IQUB: variants seen among roughly 807,000 people sequenced by gnomAD.
The protein encoded by IQUB is IQ motif and ubiquitin domain containing.
In IQUB, 86 loss-of-function variants were observed where a neutral mutation model predicts 86.4. That is an observed-to-expected ratio of 1.00 (90% CI 0.84 to 1.19). The LOEUF is 1.19. Among genes scored for constraint, IQUB ranks in the 50% most tolerant of loss-of-function variants. The pLI is 0.00. For missense variants in IQUB, 946 were observed against 916.9 expected, an observed-to-expected ratio of 1.03 and a Z score of -0.41; for synonymous variants, 289 against 304.5, an observed-to-expected ratio of 0.95 and a Z score of 0.53.
intron 1 of IQUB, among the ~76,000 whole-genome samples, chr7:123,512,911 C>T (rs2117268675): frequency 6.6e-6 from 1 of 152,220 alleles, no homozygotes; most frequent in East Asian, 1.9e-4. Flanking sequence ...GAGCTTGGGT[C>T]TGGAAGACAA....
chr7:123,492,542 T>C (rs143253414), intron 7 of IQUB, among the ~76,000 whole-genome samples: 14 of 152,294 alleles, frequency 9.2e-5, no homozygotes, highest in Non-Finnish European at 1.3e-4. Flanking sequence ...TTAAAAACTT[T>C]TGCTCTAAGA....
intron 9 of IQUB, among the ~76,000 whole-genome samples, chr7:123,466,956 A>G (rs1466436608): frequency 2.0e-5 from 3 of 152,040 alleles, no homozygotes; most frequent in South Asian, 2.1e-4. Flanking sequence ...GAAACAACCT[A>G]TATTTCTATG....
chr7:123,510,923 G>C (rs1453134946), intron 2 of IQUB, among the ~76,000 whole-genome samples: 1 of 151,948 alleles, frequency 6.6e-6, no homozygotes, highest in Non-Finnish European at 1.5e-5. Flanking sequence ...ATGTGTCAAG[G>C]GATTTGTGAA....
rs199897277 is a variant in IQUB, at chr7:123,502,924, G to A, written c.867+20C>T. On this transcript the variant is annotated intron_variant, in intron 5 of 12. Coordinates refer to ENST00000324698, the MANE Select transcript of IQUB (RefSeq NM_178827.5). ...GAGTCTATACCTTCAAAAACCTAAA[G>A]AGACAAATAAAAACATTACCTGCGT... 95 of 1,589,444 alleles carry A rather than the reference G, an allele frequency of 6.0e-5. No homozygotes were observed. In the Middle Eastern group the frequency reaches 2.4e-3, roughly 40 times the overall value.
rs576946647 is a variant in IQUB, at chr7:123,456,060, G to A, written c.2193+1321C>T. ...ATATAAACTACTCTTTAACTGGGCT[G>A]AAAGTTAATAGTTAAAAGATTGTAT... On this transcript the variant is annotated intron_variant, in intron 12 of 12. Transcript: ENST00000324698. Among the ~76,000 whole-genome samples, 4 of 152,198 alleles carry A rather than the reference G, an allele frequency of 2.6e-5. No homozygotes were observed. In the South Asian group the frequency reaches 8.3e-4, roughly 32 times the overall value.
At chr7:123,532,152 A>G (rs1296721449) in intron 1 of IQUB, among the ~76,000 whole-genome samples, 2 of 152,252 alleles carry the variant, frequency 1.3e-5, no homozygotes, top group African/African-American at 4.8e-5. Context: ...TTCTGGTTCC[A>G]GGGCCCGGAT....
At chr7:123,477,832 C>T (rs1398944001) in intron 8 of IQUB, among the ~76,000 whole-genome samples, 2 of 152,160 alleles carry the variant, frequency 1.3e-5, no homozygotes, top group Non-Finnish European at 2.9e-5. Context: ...CCAACAGACA[C>T]ATGAAAAAAT....
chr7:123,464,013 AAATT>A (rs1481599906), intron 10 of IQUB, among the ~76,000 whole-genome samples: 1 of 151,754 alleles, frequency 6.6e-6, no homozygotes, highest in Non-Finnish European at 1.5e-5. Context: ...AAAAATATAA[AAATT>A]AAACAATTTT....
intron 6 of IQUB, among the ~76,000 whole-genome samples, chr7:123,500,259 G>A (rs996671682): frequency 6.6e-6 from 1 of 151,942 alleles, no homozygotes; most frequent in African/African-American, 2.4e-5. Context: ...AGTTCTTGTG[G>A]GAGATCCAAG....
rs1314666155 is a variant in IQUB at position 123,503,260 on chromosome 7, G to T, written c.636C>A (p.Val212=). 1.2e-5 allele frequency: 20 copies of T among 1,610,954 alleles called. No homozygotes were observed. The highest frequency in any genetic ancestry group is 1.6e-5 in the Non-Finnish European group (19 of 1,177,498). The change falls in exon 4 of 13, where the codon GTC becomes GTA. Residue 212 remains valine, a synonymous_variant. Transcript: ENST00000324698. ...IFSTNPDLYP[V]RRIDGLTDVS... is the part of the protein sequence containing the mutation. Reference sequence around the variant, plus strand: ...CATCAGTTAATCCATCTATTCTTCTGACTGGATACAGATCTGGATTTGTAG... The same window carrying T: ...CATCAGTTAATCCATCTATTCTTCTTACTGGATACAGATCTGGATTTGTAG...
chr7:123,466,462 C>G (rs191582298), intron 9 of IQUB, among the ~76,000 whole-genome samples: 1 of 152,132 alleles, frequency 6.6e-6, no homozygotes, highest in Non-Finnish European at 1.5e-5. Flanking sequence ...GGACCTATTG[C>G]TTCTCCCTCC....
Position 123,464,833 on chromosome 7 carries a change from C to T in IQUB, c.1758G>A (p.Lys586=). The part of the protein sequence containing the change: ...LFNPEVAKYL[K]VPQDPLKFYK... Reference sequence around the variant, plus strand: ...GAATATAGAGAAAAATGTAGAATACCTTAAGGTATTTTGCAACTTCAGGAT... The same window carrying T: ...GAATATAGAGAAAAATGTAGAATACTTTAAGGTATTTTGCAACTTCAGGAT... Residue 586 remains lysine, a splice_region_variant and synonymous_variant, in exon 10 of 13, where the codon AAG becomes AAA. Transcript: ENST00000324698. 1.3e-6 allele frequency: 2 copies of T among 1,560,454 alleles called. No homozygotes were observed. Among genetic ancestry groups the T allele is most frequent in the African/African-American group, 1.4e-5 (1 of 72,024 alleles).
At chr7:123,462,853 A>T in intron 10 of IQUB, 1 of 455,348 alleles carries the variant, frequency 2.2e-6, no homozygotes, top group Non-Finnish European at 4.4e-6. Context: ...GCAAGAAAAA[A>T]ATAACTCATT....
chr7:123,478,166 A>T (rs560048642), intron 8 of IQUB, among the ~76,000 whole-genome samples: 57 of 152,330 alleles, frequency 3.7e-4, no homozygotes, highest in Middle Eastern at 6.8e-3. Context: ...CACTCTTCAC[A>T]ATAGCAAAAA....
intron 10 of IQUB, 127 bp from the exon 11 acceptor site, chr7:123,461,732 G>T: frequency 3.7e-6 from 3 of 818,014 alleles, no homozygotes; most frequent in East Asian, 3.0e-5. Context: ...AAAAAAAGTT[G>T]GCTAATTTCT....
rs747753281 is a variant in IQUB at position 123,452,852 on chromosome 7, G to A, written c.2267C>T (p.Pro756Leu). 6.2e-7 allele frequency: 1 copy of A among 1,613,406 alleles called. No homozygotes were observed. Among genetic ancestry groups the A allele is most frequent in the Non-Finnish European group, 8.5e-7 (1 of 1,179,548 alleles). The change falls in exon 13 of 13, where the codon CCA becomes CTA. Residue 756 changes from proline to leucine, a missense_variant. Pro to Leu is a moderately conservative substitution (Grantham distance 98). Coordinates refer to ENST00000324698, the MANE Select transcript of IQUB (RefSeq NM_178827.5). ...ILAKNYFSQV[P>L]VLASFILDDG... is the part of the protein sequence containing the mutation. ...ATCAAGTATAAATGAAGCCAGCACT[G>A]GAACCTGAGAAAAATAGTTCTTAGC...
chr7:123,483,294 G>A (rs1485144383), intron 7 of IQUB, among the ~76,000 whole-genome samples: 1 of 151,966 alleles, frequency 6.6e-6, no homozygotes, highest in Non-Finnish European at 1.5e-5. Context: ...GTCCTTTTCA[G>A]TGTGGACTTA....
chr7:123,522,138 A>C (rs562504089), intron 1 of IQUB, among the ~76,000 whole-genome samples: 3 of 152,214 alleles, frequency 2.0e-5, no homozygotes, highest in African/African-American at 7.2e-5. Flanking sequence ...GCACCGAGAA[A>C]CTGCAACAGC....
intron 1 of IQUB, among the ~76,000 whole-genome samples, chr7:123,517,839 G>A (rs896370469): frequency 6.6e-6 from 1 of 152,100 alleles, no homozygotes; most frequent in African/African-American, 2.4e-5. Flanking sequence ...GCTCACCTAT[G>A]CCCTGAAACT....
Sources: gnomAD v4.1 joint callset for allele counts (sites outside exome capture counted in the v4.1 genomes callset) on GRCh38, gnomAD v4.1.1 for gene constraint, MANE v1.5 for transcripts, NCBI Gene and HGNC (gene_info 2026-07-23, HGNC 2026-07-21) for gene names.